DLGAP2: variants seen among roughly 807,000 people sequenced by gnomAD.
DLGAP2 encodes the protein disks large-associated protein 2.
In DLGAP2, 26 loss-of-function variants were observed where a neutral mutation model predicts 100.3. That is an observed-to-expected ratio of 0.26 (90% CI 0.19 to 0.36). The LOEUF is 0.36. DLGAP2 is among the 10% of genes least tolerant of loss of function. The probability of loss-of-function intolerance (pLI) is 1.00; values close to 1 mark genes in which losing one functional copy is unlikely to be tolerated. For synonymous variants in DLGAP2, 886 were observed against 630.1 expected, an observed-to-expected ratio of 1.41 and a Z score of -6.08; for missense variants, 1,858 against 1,453.2, an observed-to-expected ratio of 1.28 and a Z score of -4.53.
chr8:1,575,867 T>G (rs542117286), intron 6 of DLGAP2, among the ~76,000 whole-genome samples: 1 of 152,190 alleles, frequency 6.6e-6, no homozygotes, highest in Admixed American at 6.5e-5. Context: ...CAGTCTATCA[T>G]TGATGGACAT....
At chr8:1,688,733 C>G (rs757822118) in intron 12 of DLGAP2, among the ~76,000 whole-genome samples, 4 of 152,136 alleles carry the variant, frequency 2.6e-5, no homozygotes, top group Non-Finnish European at 5.9e-5. Context: ...AGTCCATTAT[C>G]CTACCCAGGA....
chr8:1,517,139 C>T (rs1800420024), intron 4 of DLGAP2, among the ~76,000 whole-genome samples: 1 of 152,060 alleles, frequency 6.6e-6, no homozygotes, highest in African/African-American at 2.4e-5. Context: ...GAGCTGGGGA[C>T]CCCCATGGCT....
At chr8:1,356,598 G>T (rs1238435518) in intron 3 of DLGAP2, among the ~76,000 whole-genome samples, 2 of 152,330 alleles carry the variant, frequency 1.3e-5, no homozygotes, top group Middle Eastern at 6.8e-3. Context: ...ACATGACGGA[G>T]ATGCGCAGGA....
chr8:1,151,333 A>G (rs1310955030), intron 2 of DLGAP2, among the ~76,000 whole-genome samples: 2 of 152,192 alleles, frequency 1.3e-5, no homozygotes, highest in African/African-American at 4.8e-5. Context: ...TCCACAGTAA[A>G]AAGTGAAAAA....
chr8:1,460,185 A>G lies in DLGAP2; in HGVS notation c.107-41181A>G, dbSNP rs144671615. 3.9e-5 allele frequency among the ~76,000 whole-genome samples: 6 copies of G among 152,350 alleles called. No individual in the cohort carries two copies. The East Asian group carries it at 1.2e-3, about 29-fold the overall frequency. On this transcript the variant is annotated intron_variant, in intron 3 of 14. Coordinates refer to ENST00000637795, the MANE Select transcript of DLGAP2 (RefSeq NM_001346810.2). Reference sequence around the variant, plus strand: ...TTGAAACATGGAGCTACATAAGCCTAAGAATTGAGCCTGTCATTGTGAAAT... The same window carrying G: ...TTGAAACATGGAGCTACATAAGCCTGAGAATTGAGCCTGTCATTGTGAAAT...
chr8:1,129,472 C>T (rs1264706352), intron 2 of DLGAP2, among the ~76,000 whole-genome samples: 2 of 151,846 alleles, frequency 1.3e-5, no homozygotes, highest in Admixed American at 6.6e-5. Context: ...TTATACTCTT[C>T]TGGAATTGAA....
chr8:1,516,121 G>A (rs917583952), intron 4 of DLGAP2, among the ~76,000 whole-genome samples: 2 of 151,996 alleles, frequency 1.3e-5, no homozygotes, highest in African/African-American at 2.4e-5. Flanking sequence ...GAGTGACTGA[G>A]TGAGGAAAGG....
In DLGAP2 at chr8:1,629,327, T is replaced by C. The variant is rs145746514; in HGVS notation, c.1590+2440T>C. On this transcript the variant is annotated intron_variant, in intron 7 of 14. Transcript: ENST00000637795. ...GTTCTCATCTGCATCAGGAATTGCA[T>C]TGACTCTTTTTCCCAATGACAAGGA... 2.4e-3 allele frequency among the ~76,000 whole-genome samples: 372 copies of C among 152,342 alleles called. 2 individuals carry two copies. The highest frequency in any genetic ancestry group is 9.1e-3 in the Admixed American group (139 of 15,304).
chr8:1,352,852 G>A (rs1052073618), intron 3 of DLGAP2, among the ~76,000 whole-genome samples: 2 of 152,214 alleles, frequency 1.3e-5, no homozygotes, highest in Non-Finnish European at 2.9e-5. Context: ...TGGAGACGCA[G>A]GAGATCCTGG....
chr8:1,636,576 A>G (rs757096786), intron 8 of DLGAP2, among the ~76,000 whole-genome samples: 3 of 152,236 alleles, frequency 2.0e-5, no homozygotes, highest in Admixed American at 6.5e-5. Flanking sequence ...TTGAATAAAT[A>G]TGACTATGTA....
chr8:1,336,036 C>T (rs563103578), intron 3 of DLGAP2, among the ~76,000 whole-genome samples: 1 of 152,302 alleles, frequency 6.6e-6, no homozygotes, highest in Non-Finnish European at 1.5e-5. Flanking sequence ...AAACTCTGAG[C>T]GGTGCTGGGC....
chr8:745,534 T>TA (rs963426669), intron 1 of DLGAP2, among the ~76,000 whole-genome samples: 27 of 152,182 alleles, frequency 1.8e-4, no homozygotes, highest in African/African-American at 5.8e-4. Flanking sequence ...CACTCAATTT[T>TA]AAAAAAACTC....
At chr8:1,664,944 G>A (rs905364318) in intron 8 of DLGAP2, among the ~76,000 whole-genome samples, 4 of 152,232 alleles carry the variant, frequency 2.6e-5, no homozygotes, top group Non-Finnish European at 2.9e-5. Context: ...GCCAGGTAGA[G>A]TGTAGTAAAT....
At chr8:825,906 C>T (rs995210377) in intron 1 of DLGAP2, among the ~76,000 whole-genome samples, 1 of 152,186 alleles carries the variant, frequency 6.6e-6, no homozygotes, top group African/African-American at 2.4e-5. Flanking sequence ...ACTGTAGTCA[C>T]CCTGATGTGG....
At chr8:1,308,400 CAGA>C (rs1316891896) in intron 3 of DLGAP2, among the ~76,000 whole-genome samples, 2 of 152,174 alleles carry the variant, frequency 1.3e-5, no homozygotes, top group Non-Finnish European at 2.9e-5. Context: ...ACAGCCAAAC[CAGA>C]AGAAGGGTTT....
chr8:1,253,459 C>A (rs529347414), intron 2 of DLGAP2, among the ~76,000 whole-genome samples: 2 of 152,348 alleles, frequency 1.3e-5, no homozygotes, highest in South Asian at 2.1e-4. Flanking sequence ...TCAAAGCTGC[C>A]TCTCCAAAAA....
At chr8:1,200,859 C>T (rs1001695981) in intron 2 of DLGAP2, among the ~76,000 whole-genome samples, 2 of 152,240 alleles carry the variant, frequency 1.3e-5, no homozygotes, top group South Asian at 4.1e-4. Flanking sequence ...ATCGGTTTGG[C>T]ATCGAACGAT....
At chr8:1,325,464 C>T (rs1466002255) in intron 3 of DLGAP2, among the ~76,000 whole-genome samples, 1 of 152,182 alleles carries the variant, frequency 6.6e-6, no homozygotes, top group African/African-American at 2.4e-5. Context: ...GCTTTCACTG[C>T]CTCCCATGGT....
chr8:1,227,530 G>A (rs1301359547), intron 2 of DLGAP2, among the ~76,000 whole-genome samples: 1 of 150,180 alleles, frequency 6.7e-6, no homozygotes, highest in Non-Finnish European at 1.5e-5. Context: ...GTTCTGCTCT[G>A]TCGCCCAGAC....
Sources: gnomAD v4.1 joint callset for allele counts (sites outside exome capture counted in the v4.1 genomes callset) on GRCh38, gnomAD v4.1.1 for gene constraint, MANE v1.5 for transcripts, NCBI Gene and HGNC (gene_info 2026-07-23, HGNC 2026-07-21) for gene names.